Variants in DRC11 observed in about 807,000 individuals in gnomAD.
DRC11 encodes the protein dynein regulatory complex subunit 11, also known as IQ and AAA domain-containing protein 1.
the DRC11 span, among the ~76,000 whole-genome samples, chr2:236,399,225 T>C: frequency 1.3e-5 from 2 of 151,898 alleles, no homozygotes; most frequent in African/African-American, 2.4e-5. This position sits in a 1 kb window ranked among gnomAD's most constrained non-coding sequence, Gnocchi z 7.0. Context: ...CCTGACCTCA[T>C]GTGATCTGCC....
At chr2:236,453,561 T>C in the DRC11 span, among the ~76,000 whole-genome samples, 2 of 152,300 alleles carry the variant, frequency 1.3e-5, no homozygotes, top group East Asian at 3.9e-4. The surrounding 1 kb of genome is among the most constrained non-coding windows in gnomAD (Gnocchi z 4.9). Context: ...TCCCAAGTCC[T>C]CTTACTTCCC....
chr2:236,363,171 G>T, the DRC11 span, among the ~76,000 whole-genome samples: 1 of 152,156 alleles, frequency 6.6e-6, no homozygotes, highest in Non-Finnish European at 1.5e-5. This position sits in a 1 kb window ranked among gnomAD's most constrained non-coding sequence, Gnocchi z 5.6. Context: ...ATTAAATTTT[G>T]TAAAGCCTTG....
chr2:236,333,218 C>T, the DRC11 span: 1 of 152,180 alleles, frequency 6.6e-6, no homozygotes, highest in Non-Finnish European at 1.5e-5. This position sits in a 1 kb window ranked among gnomAD's most constrained non-coding sequence, Gnocchi z 6.0. Flanking sequence ...CTATATTGCA[C>T]TGAAGTTTCC....
At chr2:236,507,394 A>G in the DRC11 span, 1 of 939,192 alleles carries the variant, frequency 1.1e-6, no homozygotes, top group East Asian at 2.4e-5. Flanking sequence ...GGTCTTCTGG[A>G]GGGAGAAACC....
chr2:236,331,692 A>G, the DRC11 span: 2 of 870,190 alleles, frequency 2.3e-6, no homozygotes, highest in Admixed American at 4.4e-5. The surrounding 1 kb of genome is among the most constrained non-coding windows in gnomAD (Gnocchi z 4.8). Context: ...TCATCAAGAA[A>G]GGAATACACA....
the DRC11 span, chr2:236,399,329 T>A: frequency 1.9e-6 from 2 of 1,069,290 alleles, no homozygotes; most frequent in South Asian, 2.6e-5. The surrounding 1 kb of genome is among the most constrained non-coding windows in gnomAD (Gnocchi z 7.0). Flanking sequence ...GTCTCGGTTG[T>A]GAGTGGCATA....
chr2:236,408,694 T>C, the DRC11 span: 1 of 719,028 alleles, frequency 1.4e-6, no homozygotes, highest in Non-Finnish European at 2.6e-6. The surrounding 1 kb of genome is among the most constrained non-coding windows in gnomAD (Gnocchi z 5.5). Flanking sequence ...AAGGCCTCCT[T>C]CTTAGATTTA....
the DRC11 span, among the ~76,000 whole-genome samples, chr2:236,388,175 G>A: frequency 0.071 from 10,757 of 151,798 alleles, 590 homozygotes; most frequent in Middle Eastern, 0.14. Context: ...TCTTTGTGGC[G>A]TTCTCTGTAT....
chr2:236,449,568 C>T, the DRC11 span, among the ~76,000 whole-genome samples: 58 of 152,318 alleles, frequency 3.8e-4, no homozygotes, highest in African/African-American at 1.3e-3. This position sits in a 1 kb window ranked among gnomAD's most constrained non-coding sequence, Gnocchi z 5.1. Context: ...TTTGCACTGT[C>T]GGAGGCTGTG....
the DRC11 span, among the ~76,000 whole-genome samples, chr2:236,357,135 T>A: frequency 8.1e-5 from 8 of 98,406 alleles, 1 homozygote; most frequent in African/African-American, 2.8e-4. Context: ...TATTCGTATA[T>A]TATATATCTA....
chr2:236,455,237 T>G, the DRC11 span: 1 of 152,438 alleles, frequency 6.6e-6, no homozygotes, highest in East Asian at 1.9e-4. The surrounding 1 kb of genome is among the most constrained non-coding windows in gnomAD (Gnocchi z 5.7). Flanking sequence ...GGAGGAGACC[T>G]ACTTGGTGTT....
At chr2:236,486,518 T>G in the DRC11 span, among the ~76,000 whole-genome samples, 1 of 150,476 alleles carries the variant, frequency 6.6e-6, no homozygotes, top group African/African-American at 2.4e-5. The surrounding 1 kb of genome is among the most constrained non-coding windows in gnomAD (Gnocchi z 5.7). Flanking sequence ...GCAAACCCAC[T>G]GTTGTGACCG....
At chr2:236,440,184 A>C in the DRC11 span, among the ~76,000 whole-genome samples, 6 of 152,222 alleles carry the variant, frequency 3.9e-5, no homozygotes, top group African/African-American at 1.4e-4. Context: ...TAGAAATTCA[A>C]ATAAAATGCT....
chr2:236,362,576 G>C, the DRC11 span, among the ~76,000 whole-genome samples: 1 of 152,136 alleles, frequency 6.6e-6, no homozygotes, highest in African/African-American at 2.4e-5. This position sits in a 1 kb window ranked among gnomAD's most constrained non-coding sequence, Gnocchi z 5.7. Flanking sequence ...TCTGTTATCA[G>C]GAAGACTTCC....
At chr2:236,476,352 A>AT in the DRC11 span, among the ~76,000 whole-genome samples, 2 of 151,312 alleles carry the variant, frequency 1.3e-5, no homozygotes, top group African/African-American at 4.9e-5. This position sits in a 1 kb window ranked among gnomAD's most constrained non-coding sequence, Gnocchi z 4.7. Flanking sequence ...ACTTTTTTGA[A>AT]TTTTTTTTAG....
At chr2:236,339,693 C>T in the DRC11 span, among the ~76,000 whole-genome samples, 3 of 152,190 alleles carry the variant, frequency 2.0e-5, no homozygotes, top group African/African-American at 7.2e-5. Flanking sequence ...TGTCTTTGCA[C>T]CTTTGTCAAA....
the DRC11 span, among the ~76,000 whole-genome samples, chr2:236,359,630 G>A: frequency 3.9e-5 from 6 of 152,168 alleles, no homozygotes; most frequent in South Asian, 4.1e-4. The surrounding 1 kb of genome is among the most constrained non-coding windows in gnomAD (Gnocchi z 4.3). Context: ...GCCACAGCCC[G>A]TGTTCTGCAG....
At chr2:236,357,446 A>G in the DRC11 span, among the ~76,000 whole-genome samples, 3 of 126,470 alleles carry the variant, frequency 2.4e-5, no homozygotes, top group African/African-American at 9.4e-5. Flanking sequence ...ATGTATATTT[A>G]TAAATTATAT....
chr2:236,450,415 G>A, the DRC11 span, among the ~76,000 whole-genome samples: 2 of 150,012 alleles, frequency 1.3e-5, no homozygotes, highest in South Asian at 2.1e-4. Flanking sequence ...CACCTCCGGG[G>A]TTCAAGTGAT....
Sources: gnomAD v4.1 joint callset for allele counts (sites outside exome capture counted in the v4.1 genomes callset) on GRCh38, gnomAD v4.1.1 for gene constraint, Gnocchi (gnomAD v3.1) non-coding constraint, MANE v1.5 for transcripts, NCBI Gene and HGNC (gene_info 2026-07-23, HGNC 2026-07-21) for gene names.